DRG2: variants seen among roughly 807,000 people sequenced by gnomAD.
DRG2 encodes the protein developmentally regulated GTP binding protein 2.
Under a neutral mutation model 53.4 loss-of-function variants are expected in DRG2, and 36 were observed. That is an observed-to-expected ratio of 0.67 (90% CI 0.52 to 0.89). DRG2 has a LOEUF of 0.89. Ranked by LOEUF, DRG2 falls within the 40% of genes least tolerant of loss-of-function variation. The probability of loss-of-function intolerance (pLI) is 0.00; values close to 1 mark genes in which losing one functional copy is unlikely to be tolerated. For missense variants in DRG2, 342 were observed against 481.2 expected, an observed-to-expected ratio of 0.71 and a Z score of 2.71; for synonymous variants, 167 against 192.1, an observed-to-expected ratio of 0.87 and a Z score of 1.08.
chr17:18,097,995 A>G (rs1354731004), intron 2 of DRG2: 3 of 300,210 alleles, frequency 1.0e-5, no homozygotes, highest in Non-Finnish European at 1.3e-5. Flanking sequence ...CCTGATGTAT[A>G]TGGGGAACCC....
rs563583544 is a variant in DRG2, at chr17:18,106,346, G to A, written c.955-87G>A. 5.0e-5 allele frequency: 75 copies of A among 1,492,728 alleles called. 1 individual carries two copies. The South Asian group carries it at 8.2e-4, about 16-fold the overall frequency. 92.5% of individuals were successfully genotyped at this position (1,492,728 alleles called of 1,614,324 possible). ...CGCGGGAACTCCTGCCTCTTGGCCTGTGTCCTGAGCTTTGGGTGTGCAGCC... is the reference window on the plus strand; with the variant it reads ...CGCGGGAACTCCTGCCTCTTGGCCTATGTCCTGAGCTTTGGGTGTGCAGCC... On this transcript the variant is annotated intron_variant, in intron 11 of 12. Coordinates refer to ENST00000225729, the MANE Select transcript of DRG2 (RefSeq NM_001388.5).
Position 18,099,539 on chromosome 17 carries a change from G to GT in DRG2, c.377-93dup. On this transcript the variant is annotated intron_variant, in intron 4 of 12. Coordinates refer to ENST00000225729, the MANE Select transcript of DRG2 (RefSeq NM_001388.5). The surrounding 1 kb of genome is among the most constrained non-coding windows in gnomAD (Gnocchi z 4.4). Reference sequence around the variant, plus strand: ...GTGCTAGTATGTGGCAGAGGCTGTGGTAGGTCTGTAAAGGACAGGAGTCCA... The same window carrying GT: ...GTGCTAGTATGTGGCAGAGGCTGTGGTTAGGTCTGTAAAGGACAGGAGTCCA... 7.9e-7 allele frequency: 1 copy of GT among 1,258,456 alleles called. No individual in the cohort carries two copies. The highest frequency in any genetic ancestry group is 2.5e-5 in the East Asian group (1 of 39,616). The allele number at this position is 1,258,456 out of a possible 1,614,324, so 78.0% of individuals were successfully genotyped here. A position where few individuals can be genotyped will look rare whatever the true frequency, so the allele number is the denominator to read the frequency against.
intron 10 of DRG2, 54 bp from the exon 11 acceptor site, chr17:18,104,569 A>G: frequency 1.2e-6 from 2 of 1,612,334 alleles, no homozygotes; most frequent in Admixed American, 1.7e-5. Context: ...GAATCACAAG[A>G]TGGCAGTGTG....
At chr17:18,094,100 C>T (rs2045386014) in intron 2 of DRG2, 127 bp downstream of exon 2, 9 of 1,298,306 alleles carry the variant, frequency 6.9e-6, no homozygotes, top group Admixed American at 2.7e-5. Flanking sequence ...TGGCCTCCCC[C>T]AGGGTCAGAT....
In DRG2 at chr17:18,099,938, C is replaced by T. The variant is rs563131239; in HGVS notation, c.467+215C>T. ...ACAGAGGTATCTTGGGACTGGGGGCCGAGGGGCTTGGCCTGGCCCTGCTTC... is the reference window on the plus strand; with the variant it reads ...ACAGAGGTATCTTGGGACTGGGGGCTGAGGGGCTTGGCCTGGCCCTGCTTC... On this transcript the variant is annotated intron_variant, in intron 5 of 12. Transcript: ENST00000225729. This position sits in a 1 kb window ranked among gnomAD's most constrained non-coding sequence, Gnocchi z 4.4. 7.7e-5 allele frequency: 47 copies of T among 612,212 alleles called. No homozygotes were observed. Among genetic ancestry groups the T allele is most frequent in the East Asian group, 6.1e-4 (22 of 36,068 alleles). 37.9% of individuals were successfully genotyped at this position (612,212 alleles called of 1,614,324 possible). A position where few individuals can be genotyped will look rare whatever the true frequency, so the allele number is the denominator to read the frequency against.
chr17:18,094,842 C>T (rs868665433), intron 2 of DRG2, among the ~76,000 whole-genome samples: 1 of 149,636 alleles, frequency 6.7e-6, no homozygotes, highest in South Asian at 2.2e-4. Flanking sequence ...GGGGTGGTGG[C>T]GCATGCCTGT....
chr17:18,104,014 G>A (rs2045584011), intron 10 of DRG2, 125 bp downstream of exon 10: 1 of 902,718 alleles, frequency 1.1e-6, no homozygotes, highest in Admixed American at 2.2e-5. Context: ...ACACACCTCA[G>A]CTCTTTTCCC....
rs1355419337 is a variant in DRG2, at chr17:18,098,234, A to G, written c.226-36A>G. Reference sequence around the variant, plus strand: ...GGGCCTCTCCCAGAAGGCCAGGGACAAGGCTCCTCAGTGCAATGATCTCCT... The same window carrying G: ...GGGCCTCTCCCAGAAGGCCAGGGACGAGGCTCCTCAGTGCAATGATCTCCT... On this transcript the variant is annotated intron_variant, in intron 2 of 12. Transcript: ENST00000225729. This position sits in a 1 kb window ranked among gnomAD's most constrained non-coding sequence, Gnocchi z 4.1. 6.3e-7 allele frequency: 1 copy of G among 1,583,646 alleles called. No individual in the cohort carries two copies. The highest frequency in any genetic ancestry group is 1.3e-5 in the African/African-American group (1 of 74,424).
At chr17:18,091,700 T>C (rs2045336747) in intron 1 of DRG2, among the ~76,000 whole-genome samples, 1 of 146,426 alleles carries the variant, frequency 6.8e-6, no homozygotes, top group Non-Finnish European at 1.5e-5. Flanking sequence ...CCATTAAAAA[T>C]ACAAAAAATT....
In DRG2 at chr17:18,101,490, CAG is replaced by C. The variant is rs753980147; in HGVS notation, c.633_634del. 12 of 1,614,032 alleles carry C rather than the reference CAG, an allele frequency of 7.4e-6. No homozygotes were observed. Among genetic ancestry groups the C allele is most frequent in the Non-Finnish European group, 1.0e-5 (12 of 1,179,988 alleles). On this transcript the variant is annotated splice_acceptor_variant, in intron 7 of 12. Transcript: ENST00000225729. LOFTEE classifies it high-confidence loss of function. Reference sequence around the variant, plus strand: ...CAGGTTGCCCTTAATCGGAGCCCCTCAGAGATCTTCAATGCAGAAGTGCTTTT... The same window carrying C: ...CAGGTTGCCCTTAATCGGAGCCCCTCAGATCTTCAATGCAGAAGTGCTTTT...
At position 18,103,854 on chromosome 17, in the gene DRG2, T is replaced by C. The variant is rs1056499357; in HGVS notation, c.860T>C (p.Leu287Ser). 4.3e-6 allele frequency: 7 copies of C among 1,610,572 alleles called. No individual in the cohort carries two copies. Among genetic ancestry groups the C allele is most frequent in the Non-Finnish European group, 5.9e-6 (7 of 1,178,444 alleles). Residue 287 changes from leucine (L) to serine (S), a missense_variant, in exon 10 of 13, where the codon TTG (leucine) becomes TCG (serine). Transcript: ENST00000225729. The surrounding 1 kb of genome is among the most constrained non-coding windows in gnomAD (Gnocchi z 4.4). ...CTGCTGGAGATGCTTTGGGAGTACT[T>C]GGCCCTGACCTGCATCTACACCAAG... ...DYLLEMLWEY[L>S]ALTCIYTKKR...
chr17:18,102,070 C>A, intron 9 of DRG2, 73 bp downstream of exon 9: 2 of 1,488,990 alleles, frequency 1.3e-6, no homozygotes, highest in Non-Finnish European at 9.2e-7. Flanking sequence ...GGCCTCCCAG[C>A]CACTTTGGCT....
intron 1 of DRG2, among the ~76,000 whole-genome samples, chr17:18,093,167 C>T (rs919690313): frequency 8.5e-5 from 13 of 152,246 alleles, no homozygotes; most frequent in Admixed American, 7.8e-4. Flanking sequence ...GTTTCCCTGC[C>T]CCCTGCCCAA....
chr17:18,090,343 G>T, intron 1 of DRG2, among the ~76,000 whole-genome samples: 1 of 125,842 alleles, frequency 7.9e-6, no homozygotes. Context: ...GGGACTACAG[G>T]TGTGCACCAC....
Position 18,107,276 on chromosome 17 carries a change from C to G in DRG2, c.*36C>G, listed in dbSNP as rs2045660092. The G allele has an allele frequency of 6.2e-7, 1 of 1,601,174 alleles. No individual in the cohort carries two copies. The highest frequency in any genetic ancestry group is 8.5e-7 in the Non-Finnish European group (1 of 1,171,872). ...CGGGCCTCCCGCCCACCTGCCTCGT[C>G]TCCCTGGGGAGGTGGTCCCACTGGG... On this transcript the variant is annotated 3_prime_UTR_variant, in exon 13 of 13. Coordinates refer to ENST00000225729, the MANE Select transcript of DRG2 (RefSeq NM_001388.5).
At position 18,100,531 on chromosome 17, in the gene DRG2, C is replaced by T. The variant is rs854813; in HGVS notation, c.541-38C>T. On this transcript the variant is annotated intron_variant, in intron 6 of 12. Coordinates refer to ENST00000225729, the MANE Select transcript of DRG2 (RefSeq NM_001388.5). This position sits in a 1 kb window ranked among gnomAD's most constrained non-coding sequence, Gnocchi z 4.1. ...CTGTGGGACCATTGCTGTGACCCCT[C>T]GGTCAGCAGTTCTCCCCATCCCTTT... is the stretch of plus-strand genomic sequence containing the variant. 0.53 allele frequency: 860,844 copies of T among 1,613,028 alleles called. 246,822 individuals are homozygous for T. The highest frequency in any genetic ancestry group is 0.61 in the Non-Finnish European group (714,590 of 1,179,194).
intron 2 of DRG2, chr17:18,096,849 G>GT (rs1303992050): frequency 6.6e-6 from 1 of 152,246 alleles, no homozygotes. Context: ...CCCACACCCA[G>GT]TTTCCATTGC....
Position 18,099,870 on chromosome 17 carries a change from C to T in DRG2, c.467+147C>T. The T allele has an allele frequency of 1.3e-6, 1 of 770,936 alleles. No homozygotes were observed. The highest frequency in any genetic ancestry group is 2.1e-6 in the Non-Finnish European group (1 of 466,754). 47.8% of individuals were successfully genotyped at this position (770,936 alleles called of 1,614,324 possible). A position where few individuals can be genotyped will look rare whatever the true frequency, so the allele number is the denominator to read the frequency against. On this transcript the variant is annotated intron_variant, in intron 5 of 12. Coordinates refer to ENST00000225729, the MANE Select transcript of DRG2 (RefSeq NM_001388.5). The surrounding 1 kb of genome is among the most constrained non-coding windows in gnomAD (Gnocchi z 4.4). ...TGTCACAGACTAAACCCAACACCACCCAGCCTATGGCGTCTTCTCCTCAAG... is the reference window on the plus strand; with the variant it reads ...TGTCACAGACTAAACCCAACACCACTCAGCCTATGGCGTCTTCTCCTCAAG...
chr17:18,101,842 C>T (rs564301948), intron 8 of DRG2, 79 bp from the exon 9 acceptor site: 290 of 1,475,150 alleles, frequency 2.0e-4, no homozygotes, highest in Non-Finnish European at 2.6e-4. Context: ...GGGCTGCAGC[C>T]GGCACAGGGC....
Sources: gnomAD v4.1 joint callset for allele counts (sites outside exome capture counted in the v4.1 genomes callset) on GRCh38, gnomAD v4.1.1 for gene constraint, Gnocchi (gnomAD v3.1) non-coding constraint, MANE v1.5 for transcripts, NCBI Gene and HGNC (gene_info 2026-07-23, HGNC 2026-07-21) for gene names.